Variants in PKP2 observed in about 807,000 individuals in gnomAD.
The protein encoded by PKP2 is plakophilin 2.
Under a neutral mutation model 83.4 loss-of-function variants are expected in PKP2, and 73 were observed. The ratio of observed to expected loss-of-function variants is 0.88; its 90% CI spans 0.72 to 1.06. The LOEUF (loss-of-function observed/expected upper bound fraction) is 1.06, where lower values mean the gene tolerates loss of function less well. Among genes scored for constraint, PKP2 ranks in the 50% least tolerant of loss-of-function variants. The pLI is 0.00. For synonymous variants in PKP2, 409 were observed against 430.4 expected (o/e 0.95, Z 0.62); for missense variants, 966 against 1,065.4 (o/e 0.91, Z 1.30).
At chr12:32,830,069 T>C (rs559147950) in intron 6 of PKP2, among the ~76,000 whole-genome samples, 2 of 152,230 alleles carry the variant, frequency 1.3e-5, no homozygotes, top group Non-Finnish European at 2.9e-5. Flanking sequence ...TAATACTGTG[T>C]AATGTAAATT....
At chr12:32,880,426 AAAC>A (rs1267897725) in intron 1 of PKP2, among the ~76,000 whole-genome samples, 3 of 152,124 alleles carry the variant, frequency 2.0e-5, no homozygotes, top group African/African-American at 7.2e-5. Context: ...AAAGCAAGAA[AAAC>A]AACAGGGTAG....
rs757649000 is a variant in PKP2 at position 32,878,549 on chromosome 12, C to T, written c.337-6G>A. The T allele has an allele frequency of 6.2e-7, 1 of 1,609,038 alleles. No individual in the cohort carries two copies. The highest frequency in any genetic ancestry group is 8.5e-7 in the Non-Finnish European group (1 of 1,177,310). ...TAAGTGGCAGTTGTGCCAGCCTGCA[C>T]ATGAGAGAAATAAAGTTTAAAGGGG... On this transcript the variant is annotated splice_region_variant and splice_polypyrimidine_tract_variant and intron_variant, in intron 2 of 12. Transcript: ENST00000340811.
chr12:32,818,781 G>C (rs926586315), intron 9 of PKP2, among the ~76,000 whole-genome samples: 4 of 152,136 alleles, frequency 2.6e-5, no homozygotes, highest in Non-Finnish European at 5.9e-5. Context: ...TGCTATCTCA[G>C]TTACGATCAC....
intron 9 of PKP2, among the ~76,000 whole-genome samples, chr12:32,816,877 T>A (rs1956325093): frequency 6.6e-6 from 1 of 152,202 alleles, no homozygotes; most frequent in African/African-American, 2.4e-5. Flanking sequence ...TGGCCACTGG[T>A]AATGTCTTTT....
chr12:32,807,803 A>G (rs1956240328), intron 9 of PKP2, among the ~76,000 whole-genome samples: 1 of 152,182 alleles, frequency 6.6e-6, no homozygotes, highest in Non-Finnish European at 1.5e-5. Context: ...GTTTGGCTGA[A>G]AATGAAATTC....
intron 9 of PKP2, among the ~76,000 whole-genome samples, chr12:32,818,675 A>G (rs1383410066): frequency 6.6e-6 from 1 of 152,176 alleles, no homozygotes; most frequent in Non-Finnish European, 1.5e-5. Context: ...TTCTGTCATA[A>G]TTCTGTATGT....
At chr12:32,849,959 T>A (rs986674335) in intron 5 of PKP2, among the ~76,000 whole-genome samples, 1 of 152,248 alleles carries the variant, frequency 6.6e-6, no homozygotes, top group Non-Finnish European at 1.5e-5. Context: ...ACACTCCATT[T>A]CATTTTCTAT....
rs1463516235 is a variant in PKP2, at chr12:32,869,056, T to C, written c.1041A>G (p.Ala347=). Residue 347 remains alanine (A), a synonymous_variant, in exon 4 of 13, where the codon GCA becomes GCG. Transcript: ENST00000340811. The part of the protein sequence containing the change: ...STFTDSQLGN[A]DMEMTLERAV... ...CTCGCTCCAGAGTCATCTCCATGTCTGCATTCCTAGACAAACAGGCACAGA... is the reference window on the plus strand; with the variant it reads ...CTCGCTCCAGAGTCATCTCCATGTCCGCATTCCTAGACAAACAGGCACAGA... 1 of 1,613,944 alleles carries C rather than the reference T, an allele frequency of 6.2e-7. No individual in the cohort carries two copies. The highest frequency in any genetic ancestry group is 1.7e-5 in the Admixed American group (1 of 60,016).
intron 1 of PKP2, among the ~76,000 whole-genome samples, chr12:32,883,500 A>C (rs750428211): frequency 6.6e-6 from 1 of 152,224 alleles, no homozygotes; most frequent in Admixed American, 6.5e-5. Flanking sequence ...GAACATATAA[A>C]ATAACTCAGC....
intron 9 of PKP2, among the ~76,000 whole-genome samples, chr12:32,818,068 T>C (rs1262493409): frequency 6.6e-6 from 1 of 152,108 alleles, no homozygotes; most frequent in Non-Finnish European, 1.5e-5. Flanking sequence ...GTGAAAAAAC[T>C]GTCTTCCATG....
intron 3 of PKP2, among the ~76,000 whole-genome samples, chr12:32,877,492 A>C (rs1565598779): frequency 6.6e-6 from 1 of 152,168 alleles, no homozygotes; most frequent in Admixed American, 6.5e-5. Flanking sequence ...ATTTCATGGG[A>C]TGATGAAGAA....
intron 6 of PKP2, among the ~76,000 whole-genome samples, chr12:32,830,710 C>T (rs1416771372): frequency 2.0e-5 from 3 of 151,850 alleles, no homozygotes; most frequent in Non-Finnish European, 4.4e-5. Flanking sequence ...AGTTCAAGAC[C>T]GCCTGGCCAA....
chr12:32,820,312 G>T (rs1304768644), intron 9 of PKP2: 1 of 152,164 alleles, frequency 6.6e-6, no homozygotes, highest in Non-Finnish European at 1.5e-5. Context: ...GAGCTATTTG[G>T]GGGGAGTTTA....
rs141117919 is a variant in PKP2 at position 32,829,631 on chromosome 12, A to G, written c.1557-5469T>C. On this transcript the variant is annotated intron_variant, in intron 6 of 12. Coordinates refer to ENST00000340811, the MANE Select transcript of PKP2 (RefSeq NM_001005242.3). ...AGTTTATGTGCATGTATTGTATACA[A>G]GGCCTGGTGGCTGTGGGACCAGTCT... Among the ~76,000 whole-genome samples, 259 of 151,770 alleles carry G rather than the reference A, an allele frequency of 1.7e-3. 5 individuals carry two copies. Among genetic ancestry groups the G allele is most frequent in the Admixed American group, 0.014 (208 of 15,260 alleles).
Position 32,822,569 on chromosome 12 carries a change from T to A in PKP2, c.1737A>T (p.Pro579=). ...NLSYQLEAEL[P]EKYSQNIYIQ... Reference sequence around the variant, plus strand: ...TATAGATATTCTGGGAATATTTCTCTGGGAGCTCTGCCTCCAGCTGGTAGG... The same window carrying A: ...TATAGATATTCTGGGAATATTTCTCAGGGAGCTCTGCCTCCAGCTGGTAGG... The change falls in exon 8 of 13, where the codon CCA becomes CCT. Residue 579 remains proline, a synonymous_variant. Transcript: ENST00000340811. The A allele has an allele frequency of 6.2e-7, 1 of 1,614,142 alleles. No individual in the cohort carries two copies. The highest frequency in any genetic ancestry group is 8.5e-7 in the Non-Finnish European group (1 of 1,179,970).
At chr12:32,858,080 AAAAAATATATATATATAT>A (rs1386236532) in intron 4 of PKP2, among the ~76,000 whole-genome samples, 1 of 54,400 alleles carries the variant, frequency 1.8e-5, no homozygotes, top group Non-Finnish European at 3.2e-5. Context: ...AAAAAAAAAA[AAAAAATATATATATATAT>A]ATATATATAT....
In PKP2 at chr12:32,896,591, G is replaced by A. The variant is rs1410482225; in HGVS notation, c.141C>T (p.Gly47=). The A allele has an allele frequency of 6.3e-7, 1 of 1,586,454 alleles. No individual in the cohort carries two copies. Among genetic ancestry groups the A allele is most frequent in the Non-Finnish European group, 8.5e-7 (1 of 1,175,548 alleles). Residue 47 remains glycine, a synonymous_variant, in exon 1 of 13, where the codon GGC becomes GGT. Coordinates refer to ENST00000340811, the MANE Select transcript of PKP2 (RefSeq NM_001005242.3). ...KLKLAGSSGR[G]GQTVKSLRIQ... is the part of the protein sequence containing the mutation. ...TCCGCAGGCTCTTGACTGTCTGGCC[G>A]CCGCGGCCGCTGCTCCCCGCCAGCT...
Position 32,822,386 on chromosome 12 carries a change from C to A in PKP2, c.1839+81G>T, listed in dbSNP as rs554844256. 5.8e-4 allele frequency: 694 copies of A among 1,192,234 alleles called. 1 individual carries two copies. The highest frequency in any genetic ancestry group is 8.0e-4 in the Non-Finnish European group (647 of 805,520). 73.9% of individuals were successfully genotyped at this position (1,192,234 alleles called of 1,614,324 possible). ...AAATAGTGCCGATATATACCAAGTA[C>A]TTAGACATACACATATACACAAACA... On this transcript the variant is annotated intron_variant, in intron 8 of 12. Coordinates refer to ENST00000340811, the MANE Select transcript of PKP2 (RefSeq NM_001005242.3).
intron 6 of PKP2, among the ~76,000 whole-genome samples, chr12:32,834,310 G>A (rs1956526430): frequency 6.6e-6 from 1 of 152,114 alleles, no homozygotes; most frequent in Admixed American, 6.5e-5. Context: ...AGTACTCAAG[G>A]AATAACAATA....
Sources: allele counts gnomAD v4.1 joint callset (sites outside exome capture counted in the v4.1 genomes callset), GRCh38; gene constraint gnomAD v4.1.1; transcripts MANE v1.5; gene names NCBI Gene and HGNC (gene_info 2026-07-23, HGNC 2026-07-21).